The following DNAJA3 variants were observed in gnomAD, a reference collection of about 807,000 sequenced individuals.
DNAJA3 encodes DnaJ heat shock protein family (Hsp40) member A3.
In DNAJA3, 29 loss-of-function variants were observed where a neutral mutation model predicts 54.9. The observed-to-expected ratio is 0.53, with a 90% CI of 0.39 to 0.72. The LOEUF is 0.72. DNAJA3 is among the 30% of genes least tolerant of loss of function. The probability of loss-of-function intolerance (pLI) is 0.00; values close to 1 mark genes in which losing one functional copy is unlikely to be tolerated. For missense variants in DNAJA3, 708 were observed against 639.4 expected (o/e 1.11, Z -1.16); for synonymous variants, 302 against 251.4 (o/e 1.20, Z -1.90).
intron 1 of DNAJA3, chr16:4,430,618 C>T (rs1359836180): frequency 6.6e-6 from 1 of 150,824 alleles, no homozygotes; most frequent in Non-Finnish European, 1.5e-5. Flanking sequence ...ATTCTTAGAA[C>T]GACTTGGAGG....
rs2057037999 is a variant in DNAJA3 at position 4,456,547 on chromosome 16, C to T, written c.*1015C>T. 6.6e-6 allele frequency: 1 copy of T among 152,630 alleles called. No homozygotes were observed. The highest frequency in any genetic ancestry group is 1.5e-5 in the Non-Finnish European group (1 of 68,038). 9.5% of individuals were successfully genotyped at this position (152,630 alleles called of 1,614,324 possible). ...CCCACCATTCAGTGAGAGCAGAACC[C>T]CCATTCCCCAGCCTCTGCTGGTAGC... On this transcript the variant is annotated 3_prime_UTR_variant, in exon 12 of 12. Coordinates refer to ENST00000262375, the MANE Select transcript of DNAJA3 (RefSeq NM_005147.6).
intron 2 of DNAJA3, 124 bp from the exon 3 acceptor site, chr16:4,437,278 A>G: frequency 2.4e-6 from 2 of 839,042 alleles, no homozygotes; most frequent in Non-Finnish European, 3.8e-6. Flanking sequence ...GCCGAGAGAC[A>G]ACTTTTATAA....
chr16:4,447,432 G>C, intron 8 of DNAJA3: 1 of 165,166 alleles, frequency 6.1e-6, no homozygotes, highest in Admixed American at 6.2e-5. Context: ...CCTCTCTCTT[G>C]ACCTGCCCCT....
intron 4 of DNAJA3, 58 bp from the exon 5 acceptor site, chr16:4,442,210 A>C (rs1300815870): frequency 6.6e-7 from 1 of 1,508,938 alleles, no homozygotes; most frequent in East Asian, 2.4e-5. Context: ...TTTAGAGCCG[A>C]GCGTCAGTTT....
At chr16:4,452,782 G>A (rs2056992670) in intron 10 of DNAJA3, among the ~76,000 whole-genome samples, 1 of 152,098 alleles carries the variant, frequency 6.6e-6, no homozygotes, top group Non-Finnish European at 1.5e-5. Flanking sequence ...AAAGTAGTAT[G>A]CACCTCTATC....
At chr16:4,443,563 C>T (rs2056864603) in intron 6 of DNAJA3, among the ~76,000 whole-genome samples, 1 of 152,166 alleles carries the variant, frequency 6.6e-6, no homozygotes, top group South Asian at 2.1e-4. Context: ...CCCCTCACTC[C>T]ATGTCTACTG....
chr16:4,452,518 G>T (rs929012865), intron 10 of DNAJA3, among the ~76,000 whole-genome samples: 2 of 152,064 alleles, frequency 1.3e-5, no homozygotes, highest in Non-Finnish European at 2.9e-5. Context: ...CACTTCCATG[G>T]TTACTTGTCC....
At chr16:4,432,806 A>G (rs2141371906) in intron 1 of DNAJA3, among the ~76,000 whole-genome samples, 1 of 151,892 alleles carries the variant, frequency 6.6e-6, no homozygotes, top group East Asian at 2.0e-4. Flanking sequence ...ACTGCACGCC[A>G]GTCTGGGCAA....
In DNAJA3 at chr16:4,443,038, T is replaced by C. The variant is rs181670825; in HGVS notation, c.805T>C (p.Phe269Leu). The C allele has an allele frequency of 8.1e-6, 13 of 1,614,092 alleles. No individual in the cohort carries two copies. Among genetic ancestry groups the C allele is most frequent in the Non-Finnish European group, 1.1e-5 (13 of 1,180,004 alleles). ...TCAGGAAACCATCAACACAGGCCCT[T>C]TTGTGATGCGTTCCACGTGTAGGAG... ...SGMETINTGP[F>L]VMRSTCRRCG... The change falls in exon 6 of 12, where the codon TTT becomes CTT. Residue 269 changes from phenylalanine (F) to leucine (L), a missense_variant. Transcript: ENST00000262375.
intron 2 of DNAJA3, among the ~76,000 whole-genome samples, chr16:4,435,761 T>C (rs1174289668): frequency 6.6e-6 from 1 of 152,248 alleles, no homozygotes; most frequent in Non-Finnish European, 1.5e-5. Flanking sequence ...CACTTTTTGC[T>C]ATCATGAACA....
In DNAJA3 at chr16:4,437,390, T is replaced by G; in HGVS notation, c.346-12T>G. 2 of 1,612,606 alleles carry G rather than the reference T, an allele frequency of 1.2e-6. No homozygotes were observed. The highest frequency in any genetic ancestry group is 1.7e-6 in the Non-Finnish European group (2 of 1,178,768). On this transcript the variant is annotated splice_polypyrimidine_tract_variant and intron_variant, in intron 2 of 11. Coordinates refer to ENST00000262375, the MANE Select transcript of DNAJA3 (RefSeq NM_005147.6). ...ATTGTATCTGGAGTAATTTATCATG[T>G]TTTTCCCTTAGCTTGCCAAGAAGTA...
At chr16:4,438,141 C>T (rs887592490) in intron 3 of DNAJA3, among the ~76,000 whole-genome samples, 1 of 151,872 alleles carries the variant, frequency 6.6e-6, no homozygotes, top group Non-Finnish European at 1.5e-5. Flanking sequence ...ACGGTGAAAC[C>T]CCGTCTCTAC....
chr16:4,432,252 G>A (rs895426693), intron 1 of DNAJA3, among the ~76,000 whole-genome samples: 88 of 150,072 alleles, frequency 5.9e-4, no homozygotes, highest in African/African-American at 2.1e-3. Context: ...CGAACTCCTG[G>A]GCTCAAGCGA....
Position 4,426,049 on chromosome 16 carries a change from C to A in DNAJA3, c.168C>A (p.Gly56=). 6.2e-6 allele frequency: 10 copies of A among 1,603,208 alleles called. No homozygotes were observed. The highest frequency in any genetic ancestry group is 8.5e-6 in the Non-Finnish European group (10 of 1,175,456). Residue 56 remains glycine, a synonymous_variant, in exon 1 of 12, where the codon GGC becomes GGA. Coordinates refer to ENST00000262375, the MANE Select transcript of DNAJA3 (RefSeq NM_005147.6). ...PAFASSLTSC[G]PRALLTLRPG... is the part of the protein sequence containing the mutation. The stretch of plus-strand genomic sequence containing the variant: ...TTGCGTCTTCCCTGACCTCTTGCGG[C>A]CCCCGAGCGCTGCTGACATTGAGAC...
rs1321800608 is a variant in DNAJA3, at chr16:4,442,275, T to C, written c.638T>C (p.Met213Thr). The C allele has an allele frequency of 1.3e-6, 2 of 1,591,912 alleles. No homozygotes were observed. Among genetic ancestry groups the C allele is most frequent in the Non-Finnish European group, 1.7e-6 (2 of 1,167,624 alleles). ...GTCCCTTGGTTTCTTTAGTACTTCA[T>C]GGAGTTGACATTCAATCAAGCTGCA... Reference protein sequence around the residue: ...TVFDQPQEYFMELTFNQAAKG... With the variant: ...TVFDQPQEYFTELTFNQAAKG... Residue 213 changes from methionine to threonine, a missense_variant, in exon 5 of 12, where the codon ATG becomes ACG. Physicochemically the swap from Met to Thr is moderately conservative, Grantham distance 81 (BLOSUM62 -1). Coordinates refer to ENST00000262375, the MANE Select transcript of DNAJA3 (RefSeq NM_005147.6).
chr16:4,455,490 G>T (rs1056714301), intron 11 of DNAJA3, 56 bp from the exon 12 acceptor site: 1 of 1,544,054 alleles, frequency 6.5e-7, no homozygotes. Context: ...CTCCCCACAG[G>T]GGTGTGTTCC....
At chr16:4,449,076 A>C (rs1412477695) in intron 9 of DNAJA3, among the ~76,000 whole-genome samples, 1 of 152,164 alleles carries the variant, frequency 6.6e-6, no homozygotes, top group East Asian at 1.9e-4. Flanking sequence ...GGCTCACTGC[A>C]ACCTCCGCTT....
chr16:4,434,331 T>G, intron 1 of DNAJA3, 53 bp from the exon 2 acceptor site: 14 of 1,593,574 alleles, frequency 8.8e-6, no homozygotes, highest in Non-Finnish European at 1.2e-5. Context: ...ACTCACAGTT[T>G]TCTTTTGTTG....
rs1340442425 is a variant in DNAJA3 at position 4,425,950 on chromosome 16, G to C, written c.69G>C (p.Ser23=). The C allele has an allele frequency of 1.3e-6, 2 of 1,569,054 alleles. No individual in the cohort carries two copies. The highest frequency in any genetic ancestry group is 1.7e-6 in the Non-Finnish European group (2 of 1,159,054). Residue 23 remains serine (S), a synonymous_variant, in exon 1 of 12, where the codon TCG becomes TCC. Transcript: ENST00000262375. The part of the protein sequence containing the change: ...VVGTPRLPAI[S]GRGARPPREG... ...GGACCCCGCGGCTGCCGGCTATATC[G>C]GGTAGAGGGGCCCGGCCGCCCAGGG...
Sources: gnomAD v4.1 joint callset for allele counts (sites outside exome capture counted in the v4.1 genomes callset) on GRCh38, gnomAD v4.1.1 for gene constraint, MANE v1.5 for transcripts, NCBI Gene and HGNC (gene_info 2026-07-23, HGNC 2026-07-21) for gene names.